NRXN3: variants seen among roughly 807,000 people sequenced by gnomAD.
The protein encoded by NRXN3 is neurexin 3.
A neutral mutation model predicts 137.6 loss-of-function variants in NRXN3; 32 were observed. The ratio of observed to expected loss-of-function variants is 0.23; its 90% confidence interval spans 0.18 to 0.31. The LOEUF (loss-of-function observed/expected upper bound fraction) is 0.31, where lower values mean the gene tolerates loss of function less well. NRXN3 is among the 10% of genes least tolerant of loss of function. The pLI, the probability that NRXN3 is intolerant of heterozygous loss-of-function variation, is 1.00. For missense variants in NRXN3, 1,574 were observed against 2,062.5 expected (o/e 0.76, Z 4.59); for synonymous variants, 798 against 784.5 (o/e 1.02, Z -0.29).
intron 15 of NRXN3, among the ~76,000 whole-genome samples, chr14:79,263,507 C>T (rs1049974204): frequency 6.6e-6 from 1 of 152,044 alleles, no homozygotes; most frequent in Admixed American, 6.6e-5. Flanking sequence ...ACCATCAAAT[C>T]AGGAGGTGGG....
chr14:78,296,231 C>A (rs2076324269), intron 3 of NRXN3, among the ~76,000 whole-genome samples: 1 of 151,776 alleles, frequency 6.6e-6, no homozygotes, highest in Non-Finnish European at 1.5e-5. Flanking sequence ...ACAGTTAATT[C>A]TTTAATTTTT....
chr14:79,387,891 G>A (rs1439798481), intron 15 of NRXN3, among the ~76,000 whole-genome samples: 1 of 144,984 alleles, frequency 6.9e-6, no homozygotes, highest in African/African-American at 2.6e-5. Context: ...CTCATAGGTG[G>A]GAATTGAACA....
chr14:78,638,287 G>A (rs1016303251), intron 4 of NRXN3, among the ~76,000 whole-genome samples: 1 of 152,074 alleles, frequency 6.6e-6, no homozygotes, highest in Non-Finnish European at 1.5e-5. Context: ...TGTAGTGCAG[G>A]ATTGCTCAGG....
intron 15 of NRXN3, among the ~76,000 whole-genome samples, chr14:79,287,819 G>C (rs2082531696): frequency 6.6e-6 from 1 of 152,154 alleles, no homozygotes; most frequent in Non-Finnish European, 1.5e-5. Flanking sequence ...TAGACATTCT[G>C]TGTGATACCT....
intron 15 of NRXN3, among the ~76,000 whole-genome samples, chr14:79,030,269 C>G (rs2152486616): frequency 6.6e-6 from 1 of 152,094 alleles, no homozygotes; most frequent in East Asian, 1.9e-4. Flanking sequence ...ATAAAAAAAT[C>G]TCTAAACATT....
chr14:79,228,681 G>A (rs567059443), intron 15 of NRXN3, among the ~76,000 whole-genome samples: 1 of 152,254 alleles, frequency 6.6e-6, no homozygotes, highest in African/African-American at 2.4e-5. Context: ...TTAGTAAAAT[G>A]CATTAGCTAT....
chr14:78,892,386 C>T (rs1205779979), intron 10 of NRXN3, among the ~76,000 whole-genome samples: 1 of 151,856 alleles, frequency 6.6e-6, no homozygotes, highest in Non-Finnish European at 1.5e-5. Context: ...CAACTTAGCT[C>T]GTTTGAGTTG....
chr14:78,542,327 G>A (rs1407409041), intron 4 of NRXN3, among the ~76,000 whole-genome samples: 5 of 152,356 alleles, frequency 3.3e-5, no homozygotes, highest in Admixed American at 6.5e-5. Flanking sequence ...GCCTTCTTGA[G>A]CTGTGGTGGG....
intron 15 of NRXN3, among the ~76,000 whole-genome samples, chr14:79,282,240 G>A (rs74067965): frequency 0.06 from 9,117 of 152,162 alleles, 734 homozygotes; most frequent in African/African-American, 0.18. Context: ...AGGAAAAAAA[G>A]AGGGAGTGGG....
chr14:79,665,270 C>T (rs2098552564), intron 17 of NRXN3, among the ~76,000 whole-genome samples: 1 of 152,116 alleles, frequency 6.6e-6, no homozygotes, highest in Non-Finnish European at 1.5e-5. Flanking sequence ...AAAGCTCCAC[C>T]CACTATTGAT....
At position 79,861,618 on chromosome 14, in the gene NRXN3, A is replaced by G. The variant is rs1188780954; in HGVS notation, c.4370A>G (p.Lys1457Arg). Residue 1457 changes from lysine to arginine, a missense_variant, in exon 21 of 21, where the codon AAG (lysine) becomes AGG (arginine). Physicochemically the swap from Lys to Arg is conservative, Grantham distance 26. Around this residue, in one of 5 missense-constraint regions of NRXN3, gnomAD observed 320 missense variants for 387.1 expected, o/e 0.83. Coordinates refer to ENST00000335750, the MANE Select transcript of NRXN3 (RefSeq NM_001330195.2). The surrounding 1 kb of genome is among the most constrained non-coding windows in gnomAD (Gnocchi z 5.4). Reference sequence around the variant, plus strand: ...TATGAGCTAGACAGCACCAAACTGAAGAGCCCACTAATTACTTCCCCCATG... The same window carrying G: ...TATGAGCTAGACAGCACCAAACTGAGGAGCCCACTAATTACTTCCCCCATG... The part of the protein sequence containing the change: ...TAYELDSTKL[K>R]SPLITSPMFR... 1.2e-6 allele frequency: 2 copies of G among 1,613,984 alleles called. No homozygotes were observed. Among genetic ancestry groups the G allele is most frequent in the Non-Finnish European group, 1.7e-6 (2 of 1,179,972 alleles).
intron 15 of NRXN3, among the ~76,000 whole-genome samples, chr14:79,002,267 A>G (rs1480270644): frequency 1.3e-5 from 2 of 152,200 alleles, no homozygotes; most frequent in Admixed American, 6.5e-5. Context: ...GGTTTGTTAC[A>G]TAGGTAAACA....
chr14:78,337,091 C>T lies in NRXN3; in HGVS notation c.757+39231C>T, dbSNP rs138522730. Among the ~76,000 whole-genome samples the T allele has an allele frequency of 3.5e-3, 536 of 152,172 alleles. 3 individuals are homozygous for T. Among genetic ancestry groups the T allele is most frequent in the Non-Finnish European group, 6.6e-3 (447 of 68,014 alleles). ...CAGTGCCCAGACTTTTTTCTGAGCA[C>T]GCCTGGTGTCTGCCTCAGTGGTGTC... On this transcript the variant is annotated intron_variant, in intron 4 of 20. Coordinates refer to ENST00000335750, the MANE Select transcript of NRXN3 (RefSeq NM_001330195.2).
intron 10 of NRXN3, among the ~76,000 whole-genome samples, chr14:78,912,816 T>C (rs938304095): frequency 5.9e-5 from 9 of 152,202 alleles, no homozygotes; most frequent in South Asian, 2.1e-4. Context: ...ACATGGAGGA[T>C]TATAGCCTTT....
intron 16 of NRXN3, among the ~76,000 whole-genome samples, chr14:79,609,078 G>GT (rs1567651224): frequency 6.6e-6 from 1 of 152,110 alleles, no homozygotes; most frequent in African/African-American, 2.4e-5. Flanking sequence ...GTTCCTGATC[G>GT]TTTTTCATAG....
intron 1 of NRXN3, among the ~76,000 whole-genome samples, 174 bp downstream of exon 1, chr14:78,170,848 T>C (rs956158013): frequency 2.6e-5 from 4 of 152,180 alleles, no homozygotes; most frequent in Admixed American, 2.0e-4. Flanking sequence ...TGGAAATGGC[T>C]TTTCAACTGC....
At chr14:78,344,198 A>G (rs2082448348) in intron 4 of NRXN3, among the ~76,000 whole-genome samples, 1 of 152,206 alleles carries the variant, frequency 6.6e-6, no homozygotes, top group Non-Finnish European at 1.5e-5. Context: ...AGCACTTGTT[A>G]AAAATGCACA....
intron 16 of NRXN3, among the ~76,000 whole-genome samples, chr14:79,660,281 T>C: frequency 6.6e-6 from 1 of 152,174 alleles, no homozygotes. Flanking sequence ...CCATGGATTA[T>C]AATGCCACCG....
At chr14:79,081,615 C>CAAAA (rs34854400) in intron 15 of NRXN3, among the ~76,000 whole-genome samples, 1 of 110,330 alleles carries the variant, frequency 9.1e-6, no homozygotes. Context: ...GACTTTATCT[C>CAAAA]AAAAAAAAAA....
Sources: allele counts gnomAD v4.1 joint callset (sites outside exome capture counted in the v4.1 genomes callset), GRCh38; gene constraint gnomAD v4.1.1; regional missense constraint gnomAD v4.1.1; non-coding constraint Gnocchi (gnomAD v3.1); transcripts MANE v1.5; gene names NCBI Gene and HGNC (gene_info 2026-07-23, HGNC 2026-07-21).